The following GPNMB variants were observed in gnomAD, a reference collection of about 807,000 sequenced individuals.
The protein encoded by GPNMB is glycoprotein nmb.
In GPNMB, 71 loss-of-function variants were observed where a neutral mutation model predicts 57.3. That is an observed-to-expected ratio of 1.24 (90% CI 1.02 to 1.51). The LOEUF is 1.51. GPNMB is among the 40% of genes most tolerant of loss of function. The pLI, the probability that GPNMB is intolerant of heterozygous loss-of-function variation, is 0.00. For missense variants in GPNMB, 677 were observed against 691.9 expected, an observed-to-expected ratio of 0.98 and a Z score of 0.24; for synonymous variants, 253 against 263.2, an observed-to-expected ratio of 0.96 and a Z score of 0.38.
intron 1 of GPNMB, among the ~76,000 whole-genome samples, chr7:23,248,461 G>A (rs970904886): frequency 2.0e-5 from 3 of 152,162 alleles, no homozygotes; most frequent in African/African-American, 7.2e-5. Context: ...CCATTCACCA[G>A]GTTCACCTTG....
intron 9 of GPNMB, among the ~76,000 whole-genome samples, chr7:23,272,741 C>T (rs1334909582): frequency 6.6e-6 from 1 of 152,112 alleles, no homozygotes; most frequent in Admixed American, 6.5e-5. Context: ...CAGCACAGTT[C>T]TAGGCAGAAG....
chr7:23,256,864 C>A (rs1397053787), intron 3 of GPNMB, 28 bp from the exon 4 acceptor site: 1 of 1,601,112 alleles, frequency 6.2e-7, no homozygotes, highest in African/African-American at 1.3e-5. Context: ...CTAGATAACA[C>A]TCATGGCTGG....
intron 6 of GPNMB, among the ~76,000 whole-genome samples, chr7:23,261,376 G>T (rs1416413504): frequency 2.0e-5 from 3 of 152,182 alleles, no homozygotes; most frequent in Admixed American, 2.0e-4. Context: ...GACTTGGAAT[G>T]AACCCAAATG....
Position 23,266,535 on chromosome 7 carries a change from C to T in GPNMB, c.1037C>T (p.Pro346Leu). 1 of 1,613,082 alleles carries T rather than the reference C, an allele frequency of 6.2e-7. No homozygotes were observed. The highest frequency in any genetic ancestry group is 8.5e-7 in the Non-Finnish European group (1 of 1,179,092). Residue 346 changes from proline (P) to leucine (L), a missense_variant, in exon 7 of 11, where the codon CCC (proline) becomes CTC (leucine). By Grantham distance (98) the Pro-to-Leu change is moderately conservative (BLOSUM62 -3). Transcript: ENST00000258733. The part of the protein sequence containing the change: ...TPSLGPAGDN[P>L]LELSRIPDEN... ...ACCCCAGGACCTGCTGGTGACAACC[C>T]CCTGGAGCTGAGTAGGATTCCTGAT...
At chr7:23,263,502 C>T (rs1036561920) in intron 6 of GPNMB, among the ~76,000 whole-genome samples, 2 of 151,094 alleles carry the variant, frequency 1.3e-5, no homozygotes, top group African/African-American at 2.4e-5. Context: ...ATCCCAGCTA[C>T]TTGGGAGGCT....
rs768101933 is a variant in GPNMB, at chr7:23,260,155, C to CT, written c.700+18dup. Reference sequence around the variant, plus strand: ...TGGTAACAGGTGAGTGGTGTGAACTCTAACTGAGGATGAGGCACTTCATTC... The same window carrying CT: ...TGGTAACAGGTGAGTGGTGTGAACTCTTAACTGAGGATGAGGCACTTCATTC... On this transcript the variant is annotated intron_variant, in intron 5 of 10. Coordinates refer to ENST00000258733, the MANE Select transcript of GPNMB (RefSeq NM_002510.3). The CT allele has an allele frequency of 1.9e-6, 3 of 1,611,808 alleles. No homozygotes were observed. In the African/African-American group the frequency reaches 4.0e-5, roughly 22 times the overall value.
intron 9 of GPNMB, among the ~76,000 whole-genome samples, chr7:23,271,669 G>A (rs189415475): frequency 4.1e-4 from 63 of 152,054 alleles, no homozygotes; most frequent in African/African-American, 1.1e-3. Flanking sequence ...GGTGGTGGGC[G>A]CCTGTAGTCC....
intron 9 of GPNMB, among the ~76,000 whole-genome samples, chr7:23,271,812 C>CA (rs143466208): frequency 0.015 from 2,221 of 150,288 alleles, 70 homozygotes; most frequent in East Asian, 0.12. Context: ...ACAAACACAA[C>CA]AAAAAAAACT....
chr7:23,248,773 T>TG (rs200778801), intron 1 of GPNMB, among the ~76,000 whole-genome samples: 9 of 149,490 alleles, frequency 6.0e-5, no homozygotes, highest in South Asian at 2.1e-4. Context: ...TGCTTACTAT[T>TG]GGGTTTTTTT....
intron 8 of GPNMB, among the ~76,000 whole-genome samples, chr7:23,268,569 T>C (rs1783124673): frequency 6.6e-6 from 1 of 152,260 alleles, no homozygotes; most frequent in Admixed American, 6.5e-5. Context: ...AATGAATGAA[T>C]ATATAAATAC....
chr7:23,260,509 G>T lies in GPNMB; in HGVS notation c.754G>T (p.Asp252Tyr). 2.5e-6 allele frequency: 4 copies of T among 1,613,780 alleles called. No homozygotes were observed. In the African/African-American group the frequency reaches 4.0e-5, roughly 16 times the overall value. Residue 252 changes from aspartate to tyrosine, a missense_variant, in exon 6 of 11, where the codon GAC (aspartate) becomes TAC (tyrosine). Transcript: ENST00000258733. ...CCAGAAGAACGATCGAAATTCATCC[G>T]ACGAAACCTTCCTCAAAGATCTCCC... is the stretch of plus-strand genomic sequence containing the variant. Reference protein sequence around the residue: ...MFQKNDRNSSDETFLKDLPIM... With the variant: ...MFQKNDRNSSYETFLKDLPIM...
chr7:23,272,861 T>TTTTTTTTTTTTTTTA (rs398004001), intron 9 of GPNMB, among the ~76,000 whole-genome samples: 1 of 151,590 alleles, frequency 6.6e-6, no homozygotes, highest in African/African-American at 2.4e-5. Flanking sequence ...TTTTTTTTTT[T>TTTTTTTTTTTTTTTA]GAGGCAAGGT....
intron 1 of GPNMB, 121 bp downstream of exon 1, chr7:23,247,048 C>T: frequency 1.3e-6 from 1 of 754,000 alleles, no homozygotes; most frequent in Non-Finnish European, 2.4e-6. Context: ...TCATCTCTGG[C>T]TCACTCATCT....
At chr7:23,266,148 A>G (rs1783053416) in intron 6 of GPNMB, 1 of 169,158 alleles carries the variant, frequency 5.9e-6, no homozygotes, top group African/African-American at 2.4e-5. Flanking sequence ...GCGGGGTTTC[A>G]CCATGTTAGT....
chr7:23,274,309 G>T lies in GPNMB; in HGVS notation c.*85G>T. 2.0e-6 allele frequency: 2 copies of T among 1,005,256 alleles called. No homozygotes were observed. The highest frequency in any genetic ancestry group is 3.0e-6 in the Non-Finnish European group (2 of 664,244). 62.3% of individuals were successfully genotyped at this position (1,005,256 alleles called of 1,614,324 possible). Reference sequence around the variant, plus strand: ...TGGCTATTAACCTTTTTTTCCTAAAGATTATTGTTAAATAGATATTGTGGT... The same window carrying T: ...TGGCTATTAACCTTTTTTTCCTAAATATTATTGTTAAATAGATATTGTGGT... On this transcript the variant is annotated 3_prime_UTR_variant, in exon 11 of 11. Transcript: ENST00000258733.
chr7:23,265,392 G>A (rs904551482), intron 6 of GPNMB, among the ~76,000 whole-genome samples: 33 of 152,268 alleles, frequency 2.2e-4, no homozygotes, highest in Non-Finnish European at 3.2e-4. Flanking sequence ...TTTCAGTATC[G>A]TTATTTTCTT....
At chr7:23,249,857 T>G (rs1197423470) in intron 1 of GPNMB, among the ~76,000 whole-genome samples, 1 of 152,252 alleles carries the variant, frequency 6.6e-6, no homozygotes, top group Non-Finnish European at 1.5e-5. Context: ...GATAGTTGCA[T>G]GTTTAGTTTT....
Position 23,251,618 on chromosome 7 carries a change from C to T in GPNMB, c.71-1689C>T, listed in dbSNP as rs558610198. Among the ~76,000 whole-genome samples the T allele has an allele frequency of 4.6e-5, 7 of 152,292 alleles. 1 individual carries two copies. In the East Asian group the frequency reaches 1.3e-3, roughly 29 times the overall value. ...GTTAGCTGTTTCCTCAGATTTGTGT[C>T]CTCATAGTTAAATATGGCTGCCATA... On this transcript the variant is annotated intron_variant, in intron 1 of 10. Transcript: ENST00000258733.
rs147845053 is a variant in GPNMB at position 23,262,916 on chromosome 7, G to A, written c.1018+2143G>A. ...ATTATAAGCGTGAGGCACTGTGCCCGGCCCACCATTCTCTTATTGATGGAT... is the reference window on the plus strand; with the variant it reads ...ATTATAAGCGTGAGGCACTGTGCCCAGCCCACCATTCTCTTATTGATGGAT... On this transcript the variant is annotated intron_variant, in intron 6 of 10. Transcript: ENST00000258733. 2.6e-3 allele frequency among the ~76,000 whole-genome samples: 394 copies of A among 152,052 alleles called. 1 individual carries two copies. Among genetic ancestry groups the A allele is most frequent in the African/African-American group, 8.9e-3 (371 of 41,510 alleles).
Sources: gnomAD v4.1 joint callset for allele counts (sites outside exome capture counted in the v4.1 genomes callset) on GRCh38, gnomAD v4.1.1 for gene constraint, MANE v1.5 for transcripts, NCBI Gene and HGNC (gene_info 2026-07-23, HGNC 2026-07-21) for gene names.